Variants in WSCD2 observed in about 807,000 individuals in gnomAD.
The protein encoded by WSCD2 is WSC domain sialate O sulfotransferase 2, also known as sialate:O-sulfotransferase 2.
A neutral mutation model predicts 55.7 loss-of-function variants in WSCD2; 28 were observed. The observed-to-expected ratio is 0.50, with a 90% CI of 0.37 to 0.69. The LOEUF (loss-of-function observed/expected upper bound fraction) is 0.69. Ranked by LOEUF, WSCD2 falls within the 30% of genes least tolerant of loss-of-function variation. WSCD2 has a pLI of 0.00. For synonymous variants in WSCD2, 301 were observed against 301.9 expected (o/e 1.00, Z 0.03); for missense variants, 616 against 762.1 (o/e 0.81, Z 2.26).
chr12:108,188,440 A>G (rs946280251), intron 1 of WSCD2, among the ~76,000 whole-genome samples: 5 of 152,186 alleles, frequency 3.3e-5, no homozygotes, highest in Non-Finnish European at 7.3e-5. Context: ...TGGAATCATT[A>G]AACTACAGCA....
chr12:108,133,552 A>G (rs971475955), intron 1 of WSCD2, among the ~76,000 whole-genome samples: 1 of 152,184 alleles, frequency 6.6e-6, no homozygotes, highest in Non-Finnish European at 1.5e-5. Context: ...GTGAGCTTCC[A>G]AACAGAAACC....
chr12:108,148,326 G>C (rs1409541206), intron 1 of WSCD2, among the ~76,000 whole-genome samples: 2 of 152,218 alleles, frequency 1.3e-5, no homozygotes, highest in East Asian at 1.9e-4. Flanking sequence ...AGCCTGGGAT[G>C]TTTGCCTGTG....
At chr12:108,193,618 T>TGG (rs57865819) in intron 1 of WSCD2, among the ~76,000 whole-genome samples, 3 of 150,546 alleles carry the variant, frequency 2.0e-5, no homozygotes, top group Middle Eastern at 3.4e-3. Context: ...GATGGATGGA[T>TGG]AGATGGATGG....
chr12:108,141,705 G>A (rs1489590476), intron 1 of WSCD2, among the ~76,000 whole-genome samples: 1 of 152,158 alleles, frequency 6.6e-6, no homozygotes, highest in African/African-American at 2.4e-5. Flanking sequence ...CATCTGCAAA[G>A]TTTCTTTTAC....
At position 108,227,175 on chromosome 12, in the gene WSCD2, C is replaced by A. The variant is rs1294387063; in HGVS notation, c.979+11C>A. The A allele has an allele frequency of 6.2e-7, 1 of 1,608,720 alleles. No individual in the cohort carries two copies. The highest frequency in any genetic ancestry group is 1.1e-5 in the South Asian group (1 of 89,948). On this transcript the variant is annotated intron_variant, in intron 6 of 8. Transcript: ENST00000547525. Reference sequence around the variant, plus strand: ...AGACACAAGTCCAAGGTGAGCTAGGCCCTTCCCCAGTGGACCCCAGATGCA... The same window carrying A: ...AGACACAAGTCCAAGGTGAGCTAGGACCTTCCCCAGTGGACCCCAGATGCA...
chr12:108,237,452 T>C (rs1889358069), intron 7 of WSCD2, among the ~76,000 whole-genome samples: 1 of 152,242 alleles, frequency 6.6e-6, no homozygotes, highest in Non-Finnish European at 1.5e-5. Flanking sequence ...ATGGAGATGC[T>C]GGATCCTGGG....
chr12:108,158,744 G>A (rs1286887315), intron 1 of WSCD2, among the ~76,000 whole-genome samples: 1 of 152,064 alleles, frequency 6.6e-6, no homozygotes, highest in East Asian at 1.9e-4. Context: ...CCTACCGACT[G>A]CCCAAGTCAT....
At chr12:108,239,514 C>T (rs1372790164) in intron 7 of WSCD2, among the ~76,000 whole-genome samples, 1 of 152,158 alleles carries the variant, frequency 6.6e-6, no homozygotes, top group African/African-American at 2.4e-5. Flanking sequence ...TAGCAGAGCT[C>T]CCTCATGGAG....
chr12:108,153,797 A>G (rs1878257086), intron 1 of WSCD2, among the ~76,000 whole-genome samples: 2 of 152,098 alleles, frequency 1.3e-5, no homozygotes, highest in African/African-American at 4.8e-5. Context: ...CCGTTGGCCA[A>G]ACTCTAGTGG....
chr12:108,137,729 G>A (rs1472811408), intron 1 of WSCD2, among the ~76,000 whole-genome samples: 3 of 152,196 alleles, frequency 2.0e-5, no homozygotes, highest in Admixed American at 1.3e-4. Context: ...GCAGGAGCAA[G>A]GGCAAGGAAT....
intron 1 of WSCD2, among the ~76,000 whole-genome samples, chr12:108,175,811 G>A (rs1312315127): frequency 6.6e-6 from 1 of 152,150 alleles, no homozygotes; most frequent in Non-Finnish European, 1.5e-5. Flanking sequence ...AGCACAGTGG[G>A]TTAATGTTAC....
intron 1 of WSCD2, among the ~76,000 whole-genome samples, chr12:108,149,316 C>G (rs528402712): frequency 1.1e-3 from 165 of 152,324 alleles, no homozygotes; most frequent in Non-Finnish European, 2.2e-3. Context: ...ACAACAGAGA[C>G]TCGATGTTAA....
intron 1 of WSCD2, among the ~76,000 whole-genome samples, chr12:108,136,807 A>T (rs919400439): frequency 2.0e-5 from 3 of 152,156 alleles, no homozygotes; most frequent in East Asian, 3.9e-4. Context: ...AACTCCTCGG[A>T]GGAAGCTTTC....
intron 1 of WSCD2, among the ~76,000 whole-genome samples, chr12:108,144,683 GCTC>G: frequency 6.6e-6 from 1 of 152,124 alleles, no homozygotes. Context: ...ACAAAGCTTA[GCTC>G]CTCCTGTAAA....
intron 6 of WSCD2, among the ~76,000 whole-genome samples, 189 bp downstream of exon 6, chr12:108,227,353 G>T (rs1888222124): frequency 6.6e-6 from 1 of 152,242 alleles, no homozygotes; most frequent in Non-Finnish European, 1.5e-5. Context: ...CCCAGGGTGG[G>T]AAGCGTTCTG....
intron 5 of WSCD2, among the ~76,000 whole-genome samples, chr12:108,225,571 G>C (rs1276563305): frequency 6.6e-6 from 1 of 152,030 alleles, no homozygotes; most frequent in Non-Finnish European, 1.5e-5. Flanking sequence ...TTCCCCACTG[G>C]TGGAGGTGTG....
chr12:108,182,014 A>C (rs1157761309), intron 1 of WSCD2, among the ~76,000 whole-genome samples: 2 of 152,244 alleles, frequency 1.3e-5, no homozygotes, highest in African/African-American at 4.8e-5. Flanking sequence ...ACTGCTGTTA[A>C]GTGACAAGCC....
intron 1 of WSCD2, among the ~76,000 whole-genome samples, chr12:108,132,336 G>T (rs1454502244): frequency 6.6e-6 from 1 of 152,250 alleles, no homozygotes; most frequent in South Asian, 2.1e-4. Context: ...TAAGGTGTGT[G>T]TGTGGACACG....
chr12:108,218,005 C>A (rs963161739), intron 4 of WSCD2, among the ~76,000 whole-genome samples: 3 of 152,148 alleles, frequency 2.0e-5, no homozygotes, highest in African/African-American at 7.2e-5. Context: ...TGGAGAAATG[C>A]CAGCCTAGGG....
Sources: gnomAD v4.1 joint callset for allele counts (sites outside exome capture counted in the v4.1 genomes callset) on GRCh38, gnomAD v4.1.1 for gene constraint, MANE v1.5 for transcripts, NCBI Gene and HGNC (gene_info 2026-07-23, HGNC 2026-07-21) for gene names.